ARFGEF1: variants seen among roughly 807,000 people sequenced by gnomAD.
ARFGEF1 encodes the protein ARF guanine nucleotide exchange factor 1.
Under a neutral mutation model 231.0 loss-of-function variants are expected in ARFGEF1, and 42 were observed. That is an observed-to-expected ratio of 0.18 (90% CI 0.14 to 0.24). ARFGEF1 has a LOEUF of 0.24. Among genes scored for constraint, ARFGEF1 ranks in the 10% least tolerant of loss-of-function variants. ARFGEF1 has a pLI of 1.00. For synonymous variants in ARFGEF1, 710 were observed against 732.3 expected, an observed-to-expected ratio of 0.97 and a Z score of 0.49; for missense variants, 1,345 against 2,192.0, an observed-to-expected ratio of 0.61 and a Z score of 7.72.
At chr8:67,343,066 G>A in intron 1 of ARFGEF1, 98 bp downstream of exon 1, 1 of 1,382,484 alleles carries the variant, frequency 7.2e-7, no homozygotes, top group Non-Finnish European at 9.7e-7. Context: ...CAGAGGCGCG[G>A]GCCTCGGGCA....
chr8:67,203,887 C>G (rs1488212113), intron 35 of ARFGEF1, among the ~76,000 whole-genome samples: 3 of 152,202 alleles, frequency 2.0e-5, no homozygotes, highest in African/African-American at 7.2e-5. Context: ...AGCCCTCCCC[C>G]TGCCGCCACA....
chr8:67,201,741 T>G (rs1026746512), intron 36 of ARFGEF1, 136 bp from the exon 37 acceptor site: 2 of 1,153,440 alleles, frequency 1.7e-6, no homozygotes, highest in Non-Finnish European at 2.5e-6. Flanking sequence ...CACAGCAGCC[T>G]GATGTGAAGG....
downstream of ARFGEF1, among the ~76,000 whole-genome samples, chr8:67,192,793 C>A (rs944123209): frequency 5.3e-5 from 8 of 151,528 alleles, no homozygotes. Context: ...TTGTTAACTC[C>A]GTCCATAAAC....
intron 7 of ARFGEF1, among the ~76,000 whole-genome samples, chr8:67,284,213 A>C (rs1805655001): frequency 6.6e-6 from 1 of 152,160 alleles, no homozygotes; most frequent in Admixed American, 6.5e-5. Context: ...TAGGTGAAAA[A>C]ATGCAACACA....
chr8:67,302,279 A>G (rs1032971451), intron 2 of ARFGEF1, among the ~76,000 whole-genome samples, 157 bp downstream of exon 2: 1 of 151,970 alleles, frequency 6.6e-6, no homozygotes, highest in Admixed American at 6.6e-5. Flanking sequence ...TTGTTTTTAT[A>G]TAATTGTATT....
At position 67,245,933 on chromosome 8, in the gene ARFGEF1, A is replaced by T. The variant is rs188133310; in HGVS notation, c.2850+5366T>A. On this transcript the variant is annotated intron_variant, in intron 19 of 38. Coordinates refer to ENST00000262215, the MANE Select transcript of ARFGEF1 (RefSeq NM_006421.5). ...ATTCCATGCAAATGGAAAGCAAAAA[A>T]GAGCAGGAGTAGCTATACTTGTATC... Among the ~76,000 whole-genome samples, 131 of 150,746 alleles carry T rather than the reference A, an allele frequency of 8.7e-4. 6 individuals carry two copies. Among genetic ancestry groups the T allele is most frequent in the Middle Eastern group, 6.8e-3 (2 of 294 alleles).
intron 9 of ARFGEF1, 22 bp downstream of exon 9, chr8:67,275,954 G>A (rs754697536): frequency 6.2e-7 from 1 of 1,611,966 alleles, no homozygotes; most frequent in Admixed American, 1.7e-5. Flanking sequence ...CTATTTGTCA[G>A]GCAAAACAGT....
At chr8:67,240,043 T>C in intron 20 of ARFGEF1, 119 bp downstream of exon 20, 3 of 1,346,794 alleles carry the variant, frequency 2.2e-6, no homozygotes, top group Non-Finnish European at 3.0e-6. Context: ...TTAAATTCCA[T>C]CATAAACTTG....
In ARFGEF1 at chr8:67,240,154, T is replaced by C. The variant is rs1304173518; in HGVS notation, c.2979+8A>G. ...CAAACTGGCTACAAAGACAAAATTC[T>C]CTGTTACCTGAATGCTGAAAATGCA... is the stretch of plus-strand genomic sequence containing the variant. On this transcript the variant is annotated splice_region_variant and intron_variant, in intron 20 of 38. Coordinates refer to ENST00000262215, the MANE Select transcript of ARFGEF1 (RefSeq NM_006421.5). 1.2e-6 allele frequency: 2 copies of C among 1,606,460 alleles called. No homozygotes were observed. The highest frequency in any genetic ancestry group is 1.7e-5 in the Admixed American group (1 of 57,604).
chr8:67,192,053 C>T (rs1836409453), intron 5 of ARFGEF1, among the ~76,000 whole-genome samples: 1 of 149,982 alleles, frequency 6.7e-6, no homozygotes, highest in African/African-American at 2.4e-5. Flanking sequence ...CTATTCAAAT[C>T]CTTTGCTGAT....
intron 34 of ARFGEF1, 138 bp downstream of exon 34, chr8:67,211,345 C>CAAAAAAAAA (rs375793043): frequency 1.2e-5 from 3 of 247,316 alleles, no homozygotes; most frequent in African/African-American, 9.6e-5. Context: ...AACTCCGTCT[C>CAAAAAAAAA]AAAAAAAAAA....
intron 1 of ARFGEF1, among the ~76,000 whole-genome samples, chr8:67,320,214 A>G (rs1807517645): frequency 7.2e-6 from 1 of 138,182 alleles, no homozygotes; most frequent in African/African-American, 2.8e-5. Context: ...AAAGAGCAAA[A>G]CGCTATCTCA....
chr8:67,340,712 G>GA (rs752861635), intron 1 of ARFGEF1, among the ~76,000 whole-genome samples: 2 of 152,224 alleles, frequency 1.3e-5, no homozygotes, highest in East Asian at 1.9e-4. Flanking sequence ...CGAAATGTGG[G>GA]AAAAAATGCC....
chr8:67,280,567 A>C (rs967646271), intron 7 of ARFGEF1, among the ~76,000 whole-genome samples: 1 of 152,212 alleles, frequency 6.6e-6, no homozygotes, highest in Non-Finnish European at 1.5e-5. Context: ...CAAATCAACA[A>C]GTGTGAAGAT....
intron 34 of ARFGEF1, among the ~76,000 whole-genome samples, chr8:67,210,418 G>A (rs116324179): frequency 0.015 from 2,287 of 151,362 alleles, 62 homozygotes; most frequent in African/African-American, 0.053. Context: ...GGTTGAGGCT[G>A]CAGTGAGCCG....
chr8:67,325,192 C>T (rs1003224317), intron 1 of ARFGEF1, among the ~76,000 whole-genome samples: 5 of 150,714 alleles, frequency 3.3e-5, no homozygotes, highest in Non-Finnish European at 7.4e-5. Context: ...GGATTTCAGG[C>T]GTGAGCCACC....
chr8:67,173,814 CAT>C (rs1475301503), downstream of ARFGEF1: 16 of 152,188 alleles, frequency 1.1e-4, no homozygotes, highest in African/African-American at 3.6e-4. Context: ...CAGTGGGTCT[CAT>C]GAGGAGTTTG....
intron 19 of ARFGEF1, among the ~76,000 whole-genome samples, chr8:67,244,266 A>AAAAAAAAAAAAAAAAC (rs1563860748): frequency 5.8e-5 from 1 of 17,208 alleles, no homozygotes; most frequent in African/African-American, 2.9e-4. Flanking sequence ...AAAAAAAAAA[A>AAAAAAAAAAAAAAAAC]AACATTCGAC....
At chr8:67,261,577 G>C (rs938201418) in intron 14 of ARFGEF1, among the ~76,000 whole-genome samples, 8 of 152,220 alleles carry the variant, frequency 5.3e-5, no homozygotes, top group African/African-American at 1.7e-4. Context: ...CAATGCACCT[G>C]ATCACCTTAG....
Sources: gnomAD v4.1 joint callset for allele counts (sites outside exome capture counted in the v4.1 genomes callset) on GRCh38, gnomAD v4.1.1 for gene constraint, MANE v1.5 for transcripts, NCBI Gene and HGNC (gene_info 2026-07-23, HGNC 2026-07-21) for gene names.